The following DGKB variants were observed in gnomAD, a reference collection of about 807,000 sequenced individuals.
DGKB encodes the protein diacylglycerol kinase beta.
Under a neutral mutation model 114.3 loss-of-function variants are expected in DGKB, and 67 were observed. The observed-to-expected ratio is 0.59, with a 90% CI of 0.48 to 0.72. The LOEUF is 0.72. Among genes scored for constraint, DGKB ranks in the 30% least tolerant of loss-of-function variants. The pLI, the probability that DGKB is intolerant of heterozygous loss-of-function variation, is 0.00. For synonymous variants in DGKB, 398 were observed against 323.1 expected (o/e 1.23, Z -2.49); for missense variants, 907 against 975.2 (o/e 0.93, Z 0.93).
In DGKB at chr7:14,334,362, A is replaced by G. The variant is rs866624597; in HGVS notation, c.2122+4153T>C. On this transcript the variant is annotated intron_variant, in intron 23 of 25. Transcript: ENST00000402815. ...TTTATTTCTTTATATGTATATACAT[A>G]TGTGTGTGTGTGTGTGTGTGTGTGT... Among the ~76,000 whole-genome samples the G allele has an allele frequency of 6.8e-3, 983 of 144,828 alleles. 11 individuals are homozygous for G. The highest frequency in any genetic ancestry group is 0.024 in the African/African-American group (925 of 37,830).
At chr7:14,852,403 T>G (rs1849475387) in intron 1 of DGKB, among the ~76,000 whole-genome samples, 2 of 147,242 alleles carry the variant, frequency 1.4e-5, no homozygotes, top group African/African-American at 5.1e-5. Flanking sequence ...AAGGAAGGGC[T>G]TTGGTAGTTG....
chr7:14,932,200 C>T (rs575943445), intron 1 of DGKB, among the ~76,000 whole-genome samples: 9 of 152,264 alleles, frequency 5.9e-5, no homozygotes, highest in African/African-American at 1.9e-4. Flanking sequence ...CAGAAAGGCA[C>T]TCACTCTCTC....
chr7:14,426,520 T>G (rs943692147), intron 21 of DGKB, among the ~76,000 whole-genome samples: 1 of 152,052 alleles, frequency 6.6e-6, no homozygotes, highest in Admixed American at 6.6e-5. Flanking sequence ...AAATAACAAG[T>G]CTTTATAAAG....
In DGKB at chr7:14,337,586, A is replaced by G. The variant is rs536187791; in HGVS notation, c.2122+929T>C. ...CTCAAAGACACCAAAACATAAAGCT[A>G]TTGCCCACCACCATAAAGCCCACCA... On this transcript the variant is annotated intron_variant, in intron 23 of 25. Transcript: ENST00000402815. Among the ~76,000 whole-genome samples the G allele has an allele frequency of 1.2e-4, 18 of 152,192 alleles. No individual in the cohort carries two copies. The South Asian group carries it at 3.7e-3, about 32-fold the overall frequency.
intron 23 of DGKB, among the ~76,000 whole-genome samples, chr7:14,229,806 T>G (rs976954952): frequency 2.0e-5 from 3 of 151,962 alleles, no homozygotes; most frequent in African/African-American, 7.2e-5. Context: ...ACAGGATAAA[T>G]TATGATATAT....
intron 5 of DGKB, among the ~76,000 whole-genome samples, chr7:14,726,332 G>A (rs980096602): frequency 6.6e-6 from 1 of 151,852 alleles, no homozygotes; most frequent in African/African-American, 2.4e-5. Flanking sequence ...TAGAGACGGG[G>A]TTTTTTTATG....
At position 14,729,203 on chromosome 7, in the gene DGKB, A is replaced by G. The variant is rs1189931606; in HGVS notation, c.322+6838T>C. Among the ~76,000 whole-genome samples the G allele has an allele frequency of 2.7e-5, 4 of 146,064 alleles. No individual in the cohort carries two copies. In the East Asian group the frequency reaches 6.0e-4, roughly 22 times the overall value. ...AGTGGCGCCATCTCGGCTCACTGCAAGCTCCGCCTCCTGGGTTCACGCCAT... is the reference window on the plus strand; with the variant it reads ...AGTGGCGCCATCTCGGCTCACTGCAGGCTCCGCCTCCTGGGTTCACGCCAT... On this transcript the variant is annotated intron_variant, in intron 5 of 25. Coordinates refer to ENST00000402815, the MANE Select transcript of DGKB (RefSeq NM_001350709.2).
At chr7:14,431,847 A>G (rs1270914317) in intron 21 of DGKB, among the ~76,000 whole-genome samples, 1 of 152,164 alleles carries the variant, frequency 6.6e-6, no homozygotes, top group Non-Finnish European at 1.5e-5. Context: ...CTCATATGCA[A>G]TAATGGGAAA....
intron 20 of DGKB, among the ~76,000 whole-genome samples, chr7:14,559,283 G>A (rs1465382350): frequency 1.3e-5 from 2 of 151,982 alleles, no homozygotes; most frequent in East Asian, 3.9e-4. Context: ...CAAGTTTATT[G>A]AAGAATCTCT....
chr7:14,738,873 C>G (rs1174809430), intron 4 of DGKB, among the ~76,000 whole-genome samples: 1 of 152,026 alleles, frequency 6.6e-6, no homozygotes, highest in Non-Finnish European at 1.5e-5. Context: ...TCTTTCAAGC[C>G]AAGACTTTAA....
intron 1 of DGKB, 119 bp from the exon 2 acceptor site, chr7:14,841,569 G>T (rs1168203338): frequency 4.1e-6 from 1 of 241,890 alleles, no homozygotes; most frequent in Non-Finnish European, 7.9e-6. Flanking sequence ...AGTACAAATT[G>T]TGAGAAGAAT....
chr7:14,897,270 A>G (rs1181884133), intron 1 of DGKB, among the ~76,000 whole-genome samples: 1 of 151,954 alleles, frequency 6.6e-6, no homozygotes, highest in East Asian at 1.9e-4. Flanking sequence ...TTAGAATTTA[A>G]AATTAGAATT....
intron 1 of DGKB, among the ~76,000 whole-genome samples, chr7:14,887,643 C>T (rs1437469340): frequency 3.3e-5 from 5 of 151,742 alleles, no homozygotes; most frequent in Admixed American, 2.6e-4. Flanking sequence ...GAATGGAACA[C>T]ATTTTAAAAA....
chr7:14,621,571 A>T, intron 14 of DGKB, 77 bp from the exon 15 acceptor site: 1 of 863,036 alleles, frequency 1.2e-6, no homozygotes. Context: ...TTTTACTAAT[A>T]GAAGAGTTTC....
chr7:14,175,710 T>A (rs980553250), intron 25 of DGKB, among the ~76,000 whole-genome samples: 3 of 152,356 alleles, frequency 2.0e-5, no homozygotes, highest in African/African-American at 7.2e-5. Context: ...ACCGTCAATT[T>A]TTTTTCTACA....
At chr7:14,197,386 C>A (rs1200616148) in intron 23 of DGKB, among the ~76,000 whole-genome samples, 3 of 151,236 alleles carry the variant, frequency 2.0e-5, no homozygotes, top group Non-Finnish European at 2.9e-5. Context: ...TAAACTTGAA[C>A]AAACCGTAAA....
intron 17 of DGKB, among the ~76,000 whole-genome samples, chr7:14,589,969 T>A (rs766135465): frequency 6.7e-5 from 10 of 150,182 alleles, no homozygotes; most frequent in Non-Finnish European, 1.2e-4. Flanking sequence ...ATTATTGAAG[T>A]TCTTTGAAAA....
chr7:14,658,592 T>A (rs1816340137), intron 13 of DGKB, among the ~76,000 whole-genome samples: 1 of 151,854 alleles, frequency 6.6e-6, no homozygotes, highest in South Asian at 2.1e-4. Context: ...AAAGAAATAA[T>A]GAAATACTCA....
intron 23 of DGKB, among the ~76,000 whole-genome samples, chr7:14,328,146 T>G (rs1388295460): frequency 6.6e-6 from 1 of 152,112 alleles, no homozygotes; most frequent in Non-Finnish European, 1.5e-5. Context: ...CTCTGAAAAT[T>G]TGAATATCAT....
Sources: allele counts gnomAD v4.1 joint callset (sites outside exome capture counted in the v4.1 genomes callset), GRCh38; gene constraint gnomAD v4.1.1; transcripts MANE v1.5; gene names NCBI Gene and HGNC (gene_info 2026-07-23, HGNC 2026-07-21).